DNM1L: variants seen among roughly 807,000 people sequenced by gnomAD.
DNM1L encodes dynamin-1-like protein.
DNM1L carries 33 observed loss-of-function variants against 92.8 expected under a neutral mutation model. That is an observed-to-expected ratio of 0.36 (90% confidence interval 0.27 to 0.48). DNM1L has a LOEUF of 0.48. Among genes scored for constraint, DNM1L ranks in the 20% least tolerant of loss-of-function variants. DNM1L has a pLI of 0.99. For missense variants in DNM1L, 485 were observed against 888.8 expected (o/e 0.55, Z 5.78); for synonymous variants, 284 against 305.0 (o/e 0.93, Z 0.72).
Position 32,744,923 on chromosome 12 carries a change from C to G in DNM1L, c.*1513C>G, listed in dbSNP as rs752880442. The G allele has an allele frequency of 3.9e-6, 2 of 517,682 alleles. No individual in the cohort carries two copies. Among genetic ancestry groups the G allele is most frequent in the African/African-American group, 1.9e-5 (1 of 51,872 alleles). The allele number at this position is 517,682 out of a possible 1,614,324, so 32.1% of individuals were successfully genotyped here. Reference sequence around the variant, plus strand: ...GACATCTAGCCCCGTCTCTAATAGACAACACATTTATATTGCAGATATTAC... The same window carrying G: ...GACATCTAGCCCCGTCTCTAATAGAGAACACATTTATATTGCAGATATTAC... On this transcript the variant is annotated 3_prime_UTR_variant, in exon 20 of 20. Coordinates refer to ENST00000549701, the MANE Select transcript of DNM1L (RefSeq NM_012062.5).
At position 32,707,340 on chromosome 12, in the gene DNM1L, C is replaced by CAATA. The variant is rs755991580; in HGVS notation, c.251-23_251-20dup. 4.4e-6 allele frequency: 7 copies of CAATA among 1,590,468 alleles called. No homozygotes were observed. The African/African-American group carries it at 9.5e-5, about 22-fold the overall frequency. Reference sequence around the variant, plus strand: ...GATAAAAAGTAGTTTCCATAGTTTCCAATAAATGAGTTTTTCTTTTTTCCA... The same window carrying CAATA: ...GATAAAAAGTAGTTTCCATAGTTTCCAATAAATAAATGAGTTTTTCTTTTTTCCA... On this transcript the variant is annotated intron_variant, in intron 2 of 19. Coordinates refer to ENST00000549701, the MANE Select transcript of DNM1L (RefSeq NM_012062.5).
intron 5 of DNM1L, among the ~76,000 whole-genome samples, chr12:32,712,695 A>G (rs1388533475): frequency 6.7e-6 from 1 of 149,764 alleles, no homozygotes; most frequent in Non-Finnish European, 1.5e-5. Flanking sequence ...AATCATCTCT[A>G]ATCATTCCCT....
At chr12:32,728,290 C>T (rs141370861) in intron 9 of DNM1L, 27 of 152,178 alleles carry the variant, frequency 1.8e-4, no homozygotes, top group Admixed American at 1.0e-3. Flanking sequence ...GAGTCAACTC[C>T]GTAAAGAGAG....
intron 1 of DNM1L, among the ~76,000 whole-genome samples, chr12:32,686,404 C>T (rs749652232): frequency 9.9e-5 from 15 of 151,578 alleles, no homozygotes. Flanking sequence ...TTCATAATGA[C>T]ATCTCTGTCT....
chr12:32,681,654 TTGAA>T (rs962584111), intron 1 of DNM1L, among the ~76,000 whole-genome samples: 1 of 145,866 alleles, frequency 6.9e-6, no homozygotes, highest in African/African-American at 2.5e-5. Flanking sequence ...TCTTCTTGGT[TTGAA>T]TACTAGTATA....
At chr12:32,713,915 C>G (rs954355661) in intron 6 of DNM1L, among the ~76,000 whole-genome samples, 2 of 152,134 alleles carry the variant, frequency 1.3e-5, no homozygotes, top group Non-Finnish European at 2.9e-5. Context: ...TAGACATGCT[C>G]AAGGCACAGG....
intron 6 of DNM1L, among the ~76,000 whole-genome samples, chr12:32,714,311 C>T (rs933111449): frequency 1.9e-4 from 26 of 139,346 alleles, no homozygotes; most frequent in Admixed American, 1.7e-3. Flanking sequence ...CTTGCTCTAT[C>T]TCCCAGGCTG....
At chr12:32,724,593 A>AT (rs1491525657) in intron 9 of DNM1L, among the ~76,000 whole-genome samples, 459 of 66,416 alleles carry the variant, frequency 6.9e-3, no homozygotes, top group South Asian at 0.018. Context: ...AAAAAAAAAA[A>AT]ATATATATAT....
intron 2 of DNM1L, among the ~76,000 whole-genome samples, chr12:32,704,421 G>T (rs1262980035): frequency 3.3e-5 from 5 of 151,812 alleles, no homozygotes; most frequent in Non-Finnish European, 7.4e-5. Context: ...GTGGTGGCGG[G>T]TGCCTGTAAT....
intron 2 of DNM1L, among the ~76,000 whole-genome samples, chr12:32,706,455 A>C (rs1342148147): frequency 6.6e-6 from 1 of 152,238 alleles, no homozygotes; most frequent in Non-Finnish European, 1.5e-5. Flanking sequence ...AAGTTAGATT[A>C]TCTTTCCACA....
intron 6 of DNM1L, among the ~76,000 whole-genome samples, chr12:32,717,506 T>A (rs1953514377): frequency 8.6e-6 from 1 of 116,306 alleles, no homozygotes; most frequent in African/African-American, 3.4e-5. Flanking sequence ...TATATATATA[T>A]TTTAGACGGA....
chr12:32,731,258 GC>G lies in DNM1L; in HGVS notation c.1201-97del, dbSNP rs1267129526. ...TTGCTCTCATATTTGAAATTAAAAA[GC>G]ATTTTTCATGAAAAGTACCAAAAAT... is the stretch of plus-strand genomic sequence containing the variant. On this transcript the variant is annotated intron_variant, in intron 10 of 19. Transcript: ENST00000549701. This position sits in a 1 kb window ranked among gnomAD's most constrained non-coding sequence, Gnocchi z 5.1. The G allele has an allele frequency of 8.4e-7, 1 of 1,189,958 alleles. No homozygotes were observed. The highest frequency in any genetic ancestry group is 1.2e-6 in the Non-Finnish European group (1 of 863,556). 73.7% of individuals were successfully genotyped at this position (1,189,958 alleles called of 1,614,324 possible).
At chr12:32,716,247 G>GGC (rs1312793337) in intron 6 of DNM1L, among the ~76,000 whole-genome samples, 1 of 151,794 alleles carries the variant, frequency 6.6e-6, no homozygotes, top group Non-Finnish European at 1.5e-5. Flanking sequence ...TTTGGTGGGG[G>GGC]GGGGTGGCAA....
Position 32,731,202 on chromosome 12 carries a change from T to C in DNM1L, c.1200+68T>C. 1 of 1,604,110 alleles carries C rather than the reference T, an allele frequency of 6.2e-7. No individual in the cohort carries two copies. The highest frequency in any genetic ancestry group is 8.5e-7 in the Non-Finnish European group (1 of 1,174,544). ...TAAAGTTTTTCTTACCCATATACTG[T>C]GTCTTTTTAAATTTAATTATACAGT... is the stretch of plus-strand genomic sequence containing the variant. On this transcript the variant is annotated intron_variant, in intron 10 of 19. Transcript: ENST00000549701. The surrounding 1 kb of genome is among the most constrained non-coding windows in gnomAD (Gnocchi z 5.1).
At chr12:32,726,737 G>C (rs1237086918) in intron 9 of DNM1L, 2 of 621,288 alleles carry the variant, frequency 3.2e-6, no homozygotes, top group Non-Finnish European at 5.9e-6. Context: ...GCTGCTTAAT[G>C]GTTTTCAAAA....
At chr12:32,726,553 T>C in intron 9 of DNM1L, 1 of 1,179,740 alleles carries the variant, frequency 8.5e-7, no homozygotes, top group South Asian at 1.3e-5. Context: ...CTTGGGATTG[T>C]ATGCTCACGT....
rs1380672836 is a variant in DNM1L, at chr12:32,737,654, A to T, written c.1597-211A>T. The T allele has an allele frequency of 5.6e-6, 3 of 536,642 alleles. No homozygotes were observed. The African/African-American group carries it at 5.7e-5, about 10-fold the overall frequency. The allele number at this position is 536,642 out of a possible 1,614,324, so 33.2% of individuals were successfully genotyped here. ...ATAAAAATGAAGCTTTTGGATTTGGATTTTTCTTATGTATTCATCTGAAGG... is the reference window on the plus strand; with the variant it reads ...ATAAAAATGAAGCTTTTGGATTTGGTTTTTTCTTATGTATTCATCTGAAGG... On this transcript the variant is annotated intron_variant, in intron 14 of 19. Coordinates refer to ENST00000549701, the MANE Select transcript of DNM1L (RefSeq NM_012062.5).
At chr12:32,741,767 C>T (rs542039253) in intron 18 of DNM1L, among the ~76,000 whole-genome samples, 1 of 152,162 alleles carries the variant, frequency 6.6e-6, no homozygotes, top group Admixed American at 6.5e-5. Flanking sequence ...GTTCCCTATT[C>T]AGTACAGTAA....
chr12:32,690,966 G>A (rs868480428), intron 1 of DNM1L, among the ~76,000 whole-genome samples: 4 of 152,290 alleles, frequency 2.6e-5, no homozygotes, highest in South Asian at 2.1e-4. Flanking sequence ...CATTGCATGT[G>A]TGCGCAGTTG....
Sources: allele counts gnomAD v4.1 joint callset (sites outside exome capture counted in the v4.1 genomes callset), GRCh38; gene constraint gnomAD v4.1.1; non-coding constraint Gnocchi (gnomAD v3.1); transcripts MANE v1.5; gene names NCBI Gene and HGNC (gene_info 2026-07-23, HGNC 2026-07-21).